Variants in HECW2 observed in about 807,000 individuals in gnomAD.
HECW2 encodes the protein HECT, C2 and WW domain containing E3 ubiquitin protein ligase 2.
In HECW2, 61 loss-of-function variants were observed where a neutral mutation model predicts 175.2. The observed-to-expected ratio is 0.35, with a 90% CI of 0.28 to 0.43. The LOEUF is 0.43. Ranked by LOEUF, HECW2 falls within the 20% of genes least tolerant of loss-of-function variation. The pLI is 1.00. For synonymous variants in HECW2, 671 were observed against 731.0 expected, an observed-to-expected ratio of 0.92 and a Z score of 1.32; for missense variants, 1,524 against 2,000.5, an observed-to-expected ratio of 0.76 and a Z score of 4.54.
chr2:196,327,570 T>C (rs1049636961), intron 5 of HECW2, among the ~76,000 whole-genome samples: 4 of 152,216 alleles, frequency 2.6e-5, no homozygotes, highest in East Asian at 1.9e-4. Context: ...TACCTATCCA[T>C]AGATAATCAA....
chr2:196,477,823 G>A (rs1282977108), intron 1 of HECW2, among the ~76,000 whole-genome samples: 9 of 152,098 alleles, frequency 5.9e-5, no homozygotes, highest in Admixed American at 4.6e-4. Flanking sequence ...AGGCTGAGGC[G>A]GGTGGATCAC....
At chr2:196,260,572 T>C (rs1457489234) in intron 17 of HECW2, 2 of 152,228 alleles carry the variant, frequency 1.3e-5, no homozygotes, top group Non-Finnish European at 2.9e-5. Flanking sequence ...TTTAAATTCT[T>C]CTGTTCACTT....
chr2:196,322,293 TA>T (rs895141996), intron 7 of HECW2, among the ~76,000 whole-genome samples, 184 bp downstream of exon 7: 2 of 152,218 alleles, frequency 1.3e-5, no homozygotes, highest in Non-Finnish European at 2.9e-5. Flanking sequence ...AAAAAACATA[TA>T]TAATTAAAAT....
At chr2:196,511,627 G>A (rs998442386) in intron 1 of HECW2, among the ~76,000 whole-genome samples, 2 of 152,154 alleles carry the variant, frequency 1.3e-5, no homozygotes, top group Non-Finnish European at 2.9e-5. Context: ...TATGACAGAT[G>A]TTATTAAAGA....
intron 2 of HECW2, among the ~76,000 whole-genome samples, chr2:196,363,645 A>G (rs1010944376): frequency 1.3e-5 from 2 of 152,168 alleles, no homozygotes; most frequent in Non-Finnish European, 2.9e-5. Flanking sequence ...ATGGTGAGAC[A>G]CCATCTCTAC....
chr2:196,506,544 C>A (rs964968935), intron 1 of HECW2, among the ~76,000 whole-genome samples: 1 of 152,130 alleles, frequency 6.6e-6, no homozygotes, highest in Non-Finnish European at 1.5e-5. Flanking sequence ...CACCCACACA[C>A]GCACACATAC....
chr2:196,501,784 A>G (rs891334954), intron 1 of HECW2, among the ~76,000 whole-genome samples: 10 of 152,248 alleles, frequency 6.6e-5, no homozygotes, highest in African/African-American at 1.9e-4. Context: ...GAAAAAAATA[A>G]TATCTTTTGG....
chr2:196,452,942 C>A (rs1279926049), intron 1 of HECW2, among the ~76,000 whole-genome samples: 1 of 152,044 alleles, frequency 6.6e-6, no homozygotes, highest in Admixed American at 6.6e-5. Context: ...TGAGACTAAA[C>A]CCCATCTGTA....
At chr2:196,418,542 T>C (rs114776091) in intron 2 of HECW2, among the ~76,000 whole-genome samples, 4,499 of 152,258 alleles carry the variant, frequency 0.03, 221 homozygotes, top group African/African-American at 0.1. Context: ...AAAAATATAA[T>C]AGATATTCTT....
intron 2 of HECW2, among the ~76,000 whole-genome samples, chr2:196,397,084 C>G (rs1359227496): frequency 6.6e-6 from 1 of 152,084 alleles, no homozygotes; most frequent in African/African-American, 2.4e-5. Flanking sequence ...TGCACTCCAG[C>G]CTGGGGGACA....
At chr2:196,387,262 CA>C (rs1276713513) in intron 2 of HECW2, among the ~76,000 whole-genome samples, 1 of 152,126 alleles carries the variant, frequency 6.6e-6, no homozygotes, top group Non-Finnish European at 1.5e-5. Context: ...ATGTGTCTCT[CA>C]AAAAAACCAT....
At position 196,433,289 on chromosome 2, in the gene HECW2, C is replaced by T. The variant is rs1695770884; in HGVS notation, c.135G>A (p.Arg45=). 4 of 1,614,082 alleles carry T rather than the reference C, an allele frequency of 2.5e-6. No individual in the cohort carries two copies. Among genetic ancestry groups the T allele is most frequent in the Non-Finnish European group, 3.4e-6 (4 of 1,180,002 alleles). ...TCACCAGGTCGGTGTCGCTGTTGGC[C>T]CGCTGCAGGGTCATGTTCTCTGGCA... ...SSMPENMTLQ[R]ANSDTDLVTS... The change falls in exon 2 of 29, where the codon CGG becomes CGA. Residue 45 remains arginine (R), a synonymous_variant. Transcript: ENST00000644978.
intron 2 of HECW2, among the ~76,000 whole-genome samples, chr2:196,359,865 G>A (rs1425057627): frequency 1.3e-5 from 2 of 152,212 alleles, no homozygotes; most frequent in African/African-American, 4.8e-5. Flanking sequence ...CACTTTGGGA[G>A]GCCAAGATAG....
intron 13 of HECW2, among the ~76,000 whole-genome samples, chr2:196,300,141 G>A (rs151172431): frequency 2.9e-4 from 43 of 145,872 alleles, no homozygotes; most frequent in African/African-American, 9.9e-4. Context: ...GCAATATCAG[G>A]GCTTGATTTA....
chr2:196,466,223 A>G (rs1160043558), intron 1 of HECW2, among the ~76,000 whole-genome samples: 1 of 152,214 alleles, frequency 6.6e-6, no homozygotes, highest in East Asian at 1.9e-4. Context: ...ATTTGAATAA[A>G]GAGTTGGAAA....
chr2:196,462,276 G>C (rs1427062415), intron 1 of HECW2, among the ~76,000 whole-genome samples: 1 of 152,056 alleles, frequency 6.6e-6, no homozygotes, highest in Non-Finnish European at 1.5e-5. Flanking sequence ...GGGGAAAATG[G>C]GAAAGGGGAA....
At chr2:196,515,505 A>T (rs1688116153) in intron 1 of HECW2, among the ~76,000 whole-genome samples, 1 of 152,226 alleles carries the variant, frequency 6.6e-6, no homozygotes, top group Non-Finnish European at 1.5e-5. Flanking sequence ...ATCACTGACC[A>T]GTTAGAACAC....
chr2:196,327,725 A>G (rs1256002140), intron 5 of HECW2, among the ~76,000 whole-genome samples: 2 of 152,172 alleles, frequency 1.3e-5, no homozygotes, highest in African/African-American at 2.4e-5. Context: ...ATTTCTGTAC[A>G]CTGTCTGCAA....
intron 15 of HECW2, among the ~76,000 whole-genome samples, chr2:196,277,528 G>A (rs1209048939): frequency 6.6e-6 from 1 of 152,098 alleles, no homozygotes; most frequent in African/African-American, 2.4e-5. Flanking sequence ...ACTGTTGGTG[G>A]GACTGTAAAT....
Sources: gnomAD v4.1 joint callset for allele counts (sites outside exome capture counted in the v4.1 genomes callset) on GRCh38, gnomAD v4.1.1 for gene constraint, MANE v1.5 for transcripts, NCBI Gene and HGNC (gene_info 2026-07-23, HGNC 2026-07-21) for gene names.